Variants in DYNC2I1 observed in about 807,000 individuals in gnomAD.
DYNC2I1 encodes the protein cytoplasmic dynein 2 intermediate chain 1.
Under a neutral mutation model 133.4 loss-of-function variants are expected in DYNC2I1, and 89 were observed. The observed-to-expected ratio is 0.67, with a 90% CI of 0.56 to 0.80. The LOEUF is 0.80. Ranked by LOEUF, DYNC2I1 falls within the 30% of genes least tolerant of loss-of-function variation. The pLI is 0.00. For synonymous variants in DYNC2I1, 504 were observed against 484.3 expected (o/e 1.04, Z -0.54); for missense variants, 1,291 against 1,314.5 (o/e 0.98, Z 0.28).
chr7:158,918,460 C>G (rs1188634306), intron 14 of DYNC2I1, among the ~76,000 whole-genome samples: 4 of 152,146 alleles, frequency 2.6e-5, no homozygotes, highest in South Asian at 2.1e-4. Flanking sequence ...TGCTGGATAC[C>G]CAGCCCCCTT....
At chr7:158,902,325 T>C (rs1250130205) in intron 9 of DYNC2I1, 51 bp from the exon 10 acceptor site, 1 of 1,514,452 alleles carries the variant, frequency 6.6e-7, no homozygotes, top group Non-Finnish European at 9.1e-7. Flanking sequence ...TGAGGGATAA[T>C]TGAAAGTCAG....
chr7:158,892,562 C>G (rs941774653), intron 8 of DYNC2I1, among the ~76,000 whole-genome samples: 1 of 152,100 alleles, frequency 6.6e-6, no homozygotes, highest in Non-Finnish European at 1.5e-5. Flanking sequence ...CTGCCTCAGC[C>G]TTTTGAGTAG....
chr7:158,846,175 C>A, the DYNC2I1 span, among the ~76,000 whole-genome samples: 1 of 152,172 alleles, frequency 6.6e-6, no homozygotes, highest in Non-Finnish European at 1.5e-5. Flanking sequence ...AGGAGAATCG[C>A]TTGAACCTGG....
intron 14 of DYNC2I1, among the ~76,000 whole-genome samples, chr7:158,917,233 AAATGTT>A: frequency 8.4e-6 from 1 of 119,268 alleles, no homozygotes; most frequent in Non-Finnish European, 1.9e-5. Context: ...GATGATTGTG[AAATGTT>A]GACACGCTCG....
chr7:158,953,818 C>G (rs1399771537), intron 4 of DYNC2I1, among the ~76,000 whole-genome samples: 1 of 151,684 alleles, frequency 6.6e-6, no homozygotes, highest in Non-Finnish European at 1.5e-5. Context: ...TACAAATTAG[C>G]TTGGGGAAGG....
chr7:158,929,608 T>C (rs1167605787), intron 20 of DYNC2I1, among the ~76,000 whole-genome samples: 1 of 152,224 alleles, frequency 6.6e-6, no homozygotes, highest in East Asian at 1.9e-4. Flanking sequence ...TTCTTCACTG[T>C]GGTTGTGACT....
intron 8 of DYNC2I1, among the ~76,000 whole-genome samples, chr7:158,894,883 T>A (rs74303887): frequency 6.6e-6 from 1 of 152,346 alleles, no homozygotes; most frequent in East Asian, 1.9e-4. Context: ...TATAAAAGGA[T>A]CACCGTCCTT....
intron 5 of DYNC2I1, among the ~76,000 whole-genome samples, chr7:158,881,449 A>G (rs760161421): frequency 1.8e-4 from 28 of 151,634 alleles, no homozygotes; most frequent in Non-Finnish European, 3.5e-4. Context: ...GTTTTTATTT[A>G]TTTTTATTTA....
chr7:158,903,746 T>C (rs1846473240), intron 10 of DYNC2I1: 1 of 152,266 alleles, frequency 6.6e-6, no homozygotes, highest in Non-Finnish European at 1.5e-5. Flanking sequence ...CAGGATTTCC[T>C]GACAGCATTA....
chr7:158,892,971 C>G (rs893658815), intron 8 of DYNC2I1, among the ~76,000 whole-genome samples: 1 of 150,714 alleles, frequency 6.6e-6, no homozygotes, highest in African/African-American at 2.4e-5. Flanking sequence ...GAGGAAGATA[C>G]AAAGATTTCC....
At chr7:158,937,542 T>A (rs538358049) in intron 23 of DYNC2I1, among the ~76,000 whole-genome samples, 9 of 148,270 alleles carry the variant, frequency 6.1e-5, no homozygotes, top group African/African-American at 1.7e-4. Flanking sequence ...AGGAGAATGG[T>A]GTGAACCTGG....
intron 11 of DYNC2I1, among the ~76,000 whole-genome samples, chr7:158,908,271 A>G (rs1190386484): frequency 2.0e-5 from 3 of 152,120 alleles, no homozygotes; most frequent in Admixed American, 1.3e-4. Context: ...TAAATTCCAA[A>G]TGGATTTAAA....
Position 158,945,716 on chromosome 7 carries a change from G to A in DYNC2I1, c.3138G>A (p.Glu1046=). 6.2e-7 allele frequency: 1 copy of A among 1,609,542 alleles called. No individual in the cohort carries two copies. The highest frequency in any genetic ancestry group is 8.5e-7 in the Non-Finnish European group (1 of 1,177,678). The change falls in exon 25 of 25, where the codon GAG becomes GAA. Residue 1046 remains glutamate, a synonymous_variant. Coordinates refer to ENST00000407559, the MANE Select transcript of DYNC2I1 (RefSeq NM_018051.5). The surrounding 1 kb of genome is among the most constrained non-coding windows in gnomAD (Gnocchi z 4.1). ...GGTGGGCGGCCCCGGAGGTGGACGA[G>A]TGCAACAGGCTGCGTCTGCTTTTGC... ...KRRWAAPEVD[E]CNRLRLLLQE...
chr7:158,914,380 A>C (rs2301901), intron 14 of DYNC2I1, 59 bp downstream of exon 14: 2 of 1,350,918 alleles, frequency 1.5e-6, no homozygotes, highest in Non-Finnish European at 2.0e-6. Flanking sequence ...TTCATTCTAC[A>C]TAGAAACATA....
At chr7:158,891,900 C>G (rs1845263940) in intron 8 of DYNC2I1, among the ~76,000 whole-genome samples, 1 of 115,006 alleles carries the variant, frequency 8.7e-6, no homozygotes, top group African/African-American at 2.9e-5. Flanking sequence ...TAGCGCGGAG[C>G]TTGATGCAGA....
intron 8 of DYNC2I1, among the ~76,000 whole-genome samples, chr7:158,894,681 G>A (rs550696361): frequency 3.3e-5 from 5 of 152,346 alleles, no homozygotes; most frequent in African/African-American, 1.2e-4. Context: ...GTGTGAACAA[G>A]TTTCCAGCTC....
intron 19 of DYNC2I1, 52 bp downstream of exon 19, chr7:158,926,515 G>T (rs1849641253): frequency 1.3e-6 from 2 of 1,588,738 alleles, no homozygotes; most frequent in Admixed American, 3.5e-5. Context: ...AGGTGGTCTG[G>T]GTGGAGGTGG....
chr7:158,958,551 A>G (rs911080917), downstream of DYNC2I1, among the ~76,000 whole-genome samples: 1 of 152,334 alleles, frequency 6.6e-6, no homozygotes, highest in East Asian at 1.9e-4. Context: ...GAAAGCTCAC[A>G]ATAGTTCAGG....
intron 5 of DYNC2I1, among the ~76,000 whole-genome samples, chr7:158,884,025 C>T (rs1289427803): frequency 2.0e-5 from 3 of 149,544 alleles, no homozygotes; most frequent in Admixed American, 1.3e-4. Flanking sequence ...ATCTGCCACA[C>T]CTTTATCCTT....
Sources: gnomAD v4.1 joint callset for allele counts (sites outside exome capture counted in the v4.1 genomes callset) on GRCh38, gnomAD v4.1.1 for gene constraint, Gnocchi (gnomAD v3.1) non-coding constraint, MANE v1.5 for transcripts, NCBI Gene and HGNC (gene_info 2026-07-23, HGNC 2026-07-21) for gene names.